NDUFAF6: variants seen among roughly 807,000 people sequenced by gnomAD.
NDUFAF6 encodes the protein NADH:ubiquinone oxidoreductase complex assembly factor 6.
NDUFAF6 carries 45 observed loss-of-function variants against 40.8 expected under a neutral mutation model. The ratio of observed to expected loss-of-function variants is 1.10; its 90% CI spans 0.87 to 1.42. NDUFAF6 has a LOEUF of 1.42. Ranked by LOEUF, NDUFAF6 falls within the 40% of genes most tolerant of loss-of-function variation. NDUFAF6 has a pLI of 0.00. For synonymous variants in NDUFAF6, 185 were observed against 155.9 expected (o/e 1.19, Z -1.39); for missense variants, 435 against 418.5 (o/e 1.04, Z -0.34).
intron 1 of NDUFAF6, among the ~76,000 whole-genome samples, chr8:94,980,457 T>G (rs1268923440): frequency 1.4e-5 from 2 of 146,826 alleles, no homozygotes; most frequent in Admixed American, 1.4e-4. Flanking sequence ...TTTTTTTTTT[T>G]TTTTTGAGAC....
chr8:95,079,943 T>A (rs1376594797), downstream of NDUFAF6, among the ~76,000 whole-genome samples: 4 of 141,090 alleles, frequency 2.8e-5, 1 homozygote, highest in Non-Finnish European at 6.1e-5. Context: ...TTTGGTAGTG[T>A]ATTTTTGTAG....
At chr8:94,915,646 A>G (rs1202063727) in intron 1 of NDUFAF6, among the ~76,000 whole-genome samples, 1 of 152,118 alleles carries the variant, frequency 6.6e-6, no homozygotes, top group African/African-American at 2.4e-5. Flanking sequence ...ATATCTCCAA[A>G]CTGCTTTTCA....
intron 1 of NDUFAF6, among the ~76,000 whole-genome samples, chr8:94,962,609 G>GTTT (rs375083573): frequency 2.0e-4 from 9 of 45,824 alleles, no homozygotes; most frequent in African/African-American, 5.9e-4. Flanking sequence ...TCTGTTTTTT[G>GTTT]TTTTTTGTTT....
rs1827946134 is a variant in NDUFAF6 at position 95,025,188 on chromosome 8, C to T, written c.180C>T (p.Tyr60=). Residue 60 remains tyrosine, a synonymous_variant, in exon 1 of 9, where the codon TAC becomes TAT. Coordinates refer to ENST00000396124, the MANE Select transcript of NDUFAF6 (RefSeq NM_152416.4). The part of the protein sequence containing the change: ...SGPGAWGTDH[Y]CLELLRKRDY... The stretch of plus-strand genomic sequence containing the variant: ...CGGGCGCCTGGGGCACTGACCACTA[C>T]TGCCTGGAGCTGCTGCGGTGAGCGA... The T allele has an allele frequency of 6.9e-7, 1 of 1,453,926 alleles. No individual in the cohort carries two copies. Among genetic ancestry groups the T allele is most frequent in the Non-Finnish European group, 9.0e-7 (1 of 1,115,646 alleles). The allele number at this position is 1,453,926 out of a possible 1,614,324, so 90.1% of individuals were successfully genotyped here.
chr8:95,077,046 A>T (rs1169820962), downstream of NDUFAF6, among the ~76,000 whole-genome samples: 1 of 152,158 alleles, frequency 6.6e-6, no homozygotes, highest in Non-Finnish European at 1.5e-5. Flanking sequence ...AGAAGAGGAG[A>T]TGAAGCCAGA....
chr8:94,940,856 T>C (rs1307853675), intron 1 of NDUFAF6: 1 of 1,613,552 alleles, frequency 6.2e-7, no homozygotes, highest in Admixed American at 1.7e-5. Flanking sequence ...AATCCATTCA[T>C]CATCTTCTTT....
chr8:94,898,665 T>G (rs1256683966), intron 1 of NDUFAF6, among the ~76,000 whole-genome samples: 1 of 152,210 alleles, frequency 6.6e-6, no homozygotes, highest in Non-Finnish European at 1.5e-5. Context: ...TGGAAGGAAG[T>G]CACTGTGTGC....
At chr8:95,084,500 A>G (rs909968284) in intron 2 of NDUFAF6, among the ~76,000 whole-genome samples, 6 of 152,116 alleles carry the variant, frequency 3.9e-5, no homozygotes, top group African/African-American at 1.4e-4. Context: ...TACTCTTCAT[A>G]TTGTTTTTTG....
chr8:95,102,356 A>G (rs1286381985), intron 2 of NDUFAF6, among the ~76,000 whole-genome samples: 1 of 152,208 alleles, frequency 6.6e-6, no homozygotes, highest in Non-Finnish European at 1.5e-5. Context: ...GGCTAGTAAG[A>G]AATAAAGAGA....
intron 1 of NDUFAF6, among the ~76,000 whole-genome samples, chr8:94,978,684 A>G (rs1825168267): frequency 2.6e-5 from 4 of 152,064 alleles, no homozygotes; most frequent in Admixed American, 2.0e-4. Context: ...ACTTTGCTGT[A>G]ACCTGGGAGA....
intron 4 of NDUFAF6, chr8:95,044,679 C>T (rs2131879647): frequency 6.6e-6 from 1 of 151,926 alleles, no homozygotes; most frequent in Admixed American, 6.6e-5. Flanking sequence ...TGGTCTTGAA[C>T]TCCTGACCTC....
intron 1 of NDUFAF6, among the ~76,000 whole-genome samples, chr8:95,031,374 T>G (rs552191839): frequency 2.6e-5 from 4 of 152,222 alleles, no homozygotes; most frequent in Non-Finnish European, 1.5e-5. Context: ...AACCATACAT[T>G]CACCCCAATA....
At chr8:95,106,694 C>T (rs1809852050), downstream of NDUFAF6, among the ~76,000 whole-genome samples, 1 of 152,122 alleles carries the variant, frequency 6.6e-6, no homozygotes, top group Admixed American at 6.5e-5. Flanking sequence ...AGTGAACAGG[C>T]AACCTACAGA....
At chr8:94,925,577 G>T (rs1347916900) in intron 1 of NDUFAF6, among the ~76,000 whole-genome samples, 1 of 142,682 alleles carries the variant, frequency 7.0e-6, no homozygotes, top group Non-Finnish European at 1.5e-5. Context: ...TTGAGACAGA[G>T]TCTTGCTCTG....
At chr8:94,940,454 T>C (rs960350405) in intron 1 of NDUFAF6, among the ~76,000 whole-genome samples, 1 of 151,148 alleles carries the variant, frequency 6.6e-6, no homozygotes, top group African/African-American at 2.4e-5. Context: ...TCTGTGTGTG[T>C]GTGTGTGTGT....
chr8:95,077,804 AG>A (rs1808681284), downstream of NDUFAF6, among the ~76,000 whole-genome samples: 2 of 152,050 alleles, frequency 1.3e-5, no homozygotes, highest in African/African-American at 2.4e-5. Context: ...CAAGGGTGCA[AG>A]GGTGACCAGA....
At chr8:95,024,028 T>C (rs114893064), upstream of NDUFAF6, among the ~76,000 whole-genome samples, 345 of 152,004 alleles carry the variant, frequency 2.3e-3, 2 homozygotes, top group African/African-American at 8.1e-3. Context: ...GTTAGTAAAC[T>C]GTTAAAAGCT....
intron 5 of NDUFAF6, among the ~76,000 whole-genome samples, chr8:95,046,560 C>T (rs1350875261): frequency 6.6e-6 from 1 of 152,204 alleles, no homozygotes; most frequent in East Asian, 1.9e-4. Flanking sequence ...GTCCCCATTG[C>T]ATCTCCCAGG....
intron 2 of NDUFAF6, among the ~76,000 whole-genome samples, chr8:95,084,314 A>T (rs1378569608): frequency 6.6e-6 from 1 of 152,098 alleles, no homozygotes; most frequent in Non-Finnish European, 1.5e-5. Flanking sequence ...TATATATTTC[A>T]GTACATATCT....
Sources: allele counts gnomAD v4.1 joint callset (sites outside exome capture counted in the v4.1 genomes callset), GRCh38; gene constraint gnomAD v4.1.1; transcripts MANE v1.5; gene names NCBI Gene and HGNC (gene_info 2026-07-23, HGNC 2026-07-21).